LRRC27: variants seen among roughly 807,000 people sequenced by gnomAD.
LRRC27 encodes the protein leucine rich repeat containing 27.
In LRRC27, 57 loss-of-function variants were observed where a neutral mutation model predicts 55.0. That is an observed-to-expected ratio of 1.04 (90% CI 0.84 to 1.29). LRRC27 has a LOEUF of 1.29. Among genes scored for constraint, LRRC27 ranks in the 50% most tolerant of loss-of-function variants. The pLI is 0.00. For missense variants in LRRC27, 721 were observed against 651.5 expected (o/e 1.11, Z -1.16); for synonymous variants, 278 against 251.9 (o/e 1.10, Z -0.98).
chr10:132,361,354 C>T, intron 8 of LRRC27, 103 bp from the exon 9 acceptor site: 1 of 1,009,220 alleles, frequency 9.9e-7, no homozygotes, highest in Non-Finnish European at 1.6e-6. Context: ...TCGGACCCAC[C>T]TCTTCGTGGA....
chr10:132,365,648 C>G lies in LRRC27; in HGVS notation c.1416+98C>G, dbSNP rs2069043483. On this transcript the variant is annotated intron_variant, in intron 10 of 10. Coordinates refer to ENST00000368614, the MANE Select transcript of LRRC27 (RefSeq NM_030626.3). ...ACAGAGTCTTGTTCTGTCACCCAGG[C>G]TGGAGTGCGGTGGCACAATCTCGGC... 3 of 1,446,554 alleles carry G rather than the reference C, an allele frequency of 2.1e-6. No homozygotes were observed. In the South Asian group the frequency reaches 4.1e-5, roughly 20 times the overall value. The allele number at this position is 1,446,554 out of a possible 1,614,324, so 89.6% of individuals were successfully genotyped here.
intron 7 of LRRC27, chr10:132,352,920 T>G: frequency 6.2e-7 from 1 of 1,614,004 alleles, no homozygotes; most frequent in East Asian, 2.2e-5. Context: ...TTCCAGGCCC[T>G]GACACGGTCA....
upstream of LRRC27, chr10:132,331,917 C>CCCCCCACCGCAAGCGCACCT: frequency 2.7e-6 from 1 of 367,932 alleles, no homozygotes; most frequent in Admixed American, 5.5e-5. Flanking sequence ...CGCACCACAA[C>CCCCCCACCGCAAGCGCACCT]CCCCCCACCG....
chr10:132,331,966 C>G (rs2066785569), upstream of LRRC27: 1 of 504,566 alleles, frequency 2.0e-6, no homozygotes, highest in South Asian at 3.1e-5. Context: ...CGCACCACAC[C>G]CCGCCCCCTC....
At position 132,375,192 on chromosome 10, in the gene LRRC27, T is replaced by C. The variant is rs780487506; in HGVS notation, c.1543T>C (p.Phe515Leu). Residue 515 changes from phenylalanine to leucine, a missense_variant, in exon 11 of 11, where the codon TTT becomes CTT. By Grantham distance (22) the Phe-to-Leu change is conservative. Coordinates refer to ENST00000368614, the MANE Select transcript of LRRC27 (RefSeq NM_030626.3). ...GLPAAQPQNT[F>L]FNTKYGESGN... is the part of the protein sequence containing the mutation. Reference sequence around the variant, plus strand: ...GCCGGCAGCACAGCCTCAAAATACATTTTTTAACACAAAATATGGAGAATC... The same window carrying C: ...GCCGGCAGCACAGCCTCAAAATACACTTTTTAACACAAAATATGGAGAATC... The C allele has an allele frequency of 3.1e-6, 5 of 1,613,984 alleles. No individual in the cohort carries two copies. The South Asian group carries it at 5.5e-5, about 18-fold the overall frequency.
intron 10 of LRRC27, among the ~76,000 whole-genome samples, chr10:132,371,787 C>A (rs1485657060): frequency 6.6e-6 from 1 of 152,200 alleles, no homozygotes; most frequent in African/African-American, 2.4e-5. Flanking sequence ...ACATGATGGC[C>A]GGAGCAGGGG....
In LRRC27 at chr10:132,375,105, G is replaced by A; in HGVS notation, c.1456G>A (p.Gly486Arg). The A allele has an allele frequency of 6.2e-7, 1 of 1,613,964 alleles. No homozygotes were observed. The highest frequency in any genetic ancestry group is 8.5e-7 in the Non-Finnish European group (1 of 1,179,944). The change falls in exon 11 of 11, where the codon GGA (glycine) becomes AGA (arginine). Residue 486 changes from glycine to arginine, a missense_variant. By Grantham distance (125) the Gly-to-Arg change is moderately radical (BLOSUM62 -2). Coordinates refer to ENST00000368614, the MANE Select transcript of LRRC27 (RefSeq NM_030626.3). ...LQDEVLKLKL[G>R]LTLNKDRRRA... ...GGATGAAGTATTGAAGCTAAAATTG[G>A]GATTAACCTTGAACAAAGATCGTCG...
At position 132,375,066 on chromosome 10, in the gene LRRC27, G is replaced by A. The variant is rs781501270; in HGVS notation, c.1417G>A (p.Ala473Thr). ...TCTCCCCCTCCTTGTCTCCCATAAG[G>A]CCACAGAGCTACAGGATGAAGTATT... ...MRKAAEDLEI[A>T]TELQDEVLKL... Residue 473 changes from alanine (A) to threonine (T), a missense_variant and splice_region_variant, in exon 11 of 11, where the codon GCC (alanine) becomes ACC (threonine). Physicochemically the swap from Ala to Thr is moderately conservative, Grantham distance 58. Coordinates refer to ENST00000368614, the MANE Select transcript of LRRC27 (RefSeq NM_030626.3). 8.7e-6 allele frequency: 14 copies of A among 1,609,602 alleles called. No individual in the cohort carries two copies. Among genetic ancestry groups the A allele is most frequent in the Non-Finnish European group, 1.2e-5 (14 of 1,177,142 alleles).
At chr10:132,340,934 A>T (rs919545632) in intron 3 of LRRC27, among the ~76,000 whole-genome samples, 2 of 152,094 alleles carry the variant, frequency 1.3e-5, no homozygotes, top group Non-Finnish European at 2.9e-5. Flanking sequence ...AAGTAAGTAG[A>T]AAGAAAATTG....
At chr10:132,364,419 T>TCACACCCACCCACAC (rs2068845839) in intron 9 of LRRC27, among the ~76,000 whole-genome samples, 1 of 147,568 alleles carries the variant, frequency 6.8e-6, no homozygotes, top group African/African-American at 2.6e-5. Context: ...ACACCCGCGC[T>TCACACCCACCCACAC]TACACCCACG....
intron 2 of LRRC27, 147 bp from the exon 3 acceptor site, chr10:132,337,418 A>G: frequency 7.0e-7 from 1 of 1,423,430 alleles, no homozygotes; most frequent in Non-Finnish European, 9.1e-7. Flanking sequence ...TACATCTTTT[A>G]AGGGTAAGAG....
At chr10:132,343,724 A>G (rs907489760) in intron 4 of LRRC27, among the ~76,000 whole-genome samples, 5 of 152,358 alleles carry the variant, frequency 3.3e-5, no homozygotes, top group Admixed American at 2.6e-4. Flanking sequence ...GCGCGGCTGA[A>G]AGGTGGGACA....
chr10:132,355,532 G>A (rs534864294), intron 7 of LRRC27, among the ~76,000 whole-genome samples: 9 of 152,326 alleles, frequency 5.9e-5, no homozygotes, highest in African/African-American at 1.7e-4. Flanking sequence ...TCACTGGGTC[G>A]GGTTGGCCCC....
chr10:132,337,539 T>G (rs760081914), intron 2 of LRRC27, 26 bp from the exon 3 acceptor site: 11 of 1,607,068 alleles, frequency 6.8e-6, no homozygotes, highest in Non-Finnish European at 9.3e-6. Flanking sequence ...TAACAAAACA[T>G]TCTCTGATTC....
intron 10 of LRRC27, among the ~76,000 whole-genome samples, chr10:132,369,233 A>G (rs1231457214): frequency 1.3e-5 from 2 of 152,156 alleles, no homozygotes; most frequent in East Asian, 1.9e-4. Context: ...AATTAATCAC[A>G]CTCTCATCAT....
At chr10:132,345,504 T>C (rs2067637421) in intron 5 of LRRC27, among the ~76,000 whole-genome samples, 1 of 152,252 alleles carries the variant, frequency 6.6e-6, no homozygotes, top group East Asian at 1.9e-4. Flanking sequence ...TTTGTAGACA[T>C]ATTTTAACCA....
rs1347961727 is a variant in LRRC27 at position 132,378,958 on chromosome 10, C to G, written c.*3716C>G. The G allele has an allele frequency of 6.6e-6, 1 of 152,668 alleles. No individual in the cohort carries two copies. Among genetic ancestry groups the G allele is most frequent in the African/African-American group, 2.4e-5 (1 of 40,912 alleles). The allele number at this position is 152,668 out of a possible 1,614,324, so 9.5% of individuals were successfully genotyped here. A position where few individuals can be genotyped will look rare whatever the true frequency, so the allele number is the denominator to read the frequency against. On this transcript the variant is annotated 3_prime_UTR_variant, in exon 11 of 11. Transcript: ENST00000368614. ...GAGTTTCCGGTCACCTCCGTGTTCTCAGGGAGTGCGTGGTCTTGGATGCCA... is the reference window on the plus strand; with the variant it reads ...GAGTTTCCGGTCACCTCCGTGTTCTGAGGGAGTGCGTGGTCTTGGATGCCA...
chr10:132,337,204 A>G, intron 2 of LRRC27: 9 of 1,174,484 alleles, frequency 7.7e-6, no homozygotes, highest in Non-Finnish European at 9.5e-6. Context: ...GCCGAGGGCC[A>G]GGTGCTGCGG....
intron 2 of LRRC27, chr10:132,337,307 G>C: frequency 1.0e-5 from 13 of 1,289,344 alleles, no homozygotes; most frequent in Non-Finnish European, 1.3e-5. Context: ...GGTGTGCTGG[G>C]TCAGCAGCAG....
Sources: gnomAD v4.1 joint callset for allele counts (sites outside exome capture counted in the v4.1 genomes callset) on GRCh38, gnomAD v4.1.1 for gene constraint, MANE v1.5 for transcripts, NCBI Gene and HGNC (gene_info 2026-07-23, HGNC 2026-07-21) for gene names.